The following ZCCHC2 variants were observed in gnomAD, a reference collection of about 807,000 sequenced individuals.
The protein encoded by ZCCHC2 is zinc finger CCHC domain-containing protein 2.
In ZCCHC2, 39 loss-of-function variants were observed where a neutral mutation model predicts 103.6. That is an observed-to-expected ratio of 0.38 (90% CI 0.29 to 0.49). The LOEUF (loss-of-function observed/expected upper bound fraction) is 0.49. ZCCHC2 is among the 20% of genes least tolerant of loss of function. ZCCHC2 has a pLI of 0.96. For missense variants in ZCCHC2, 1,483 were observed against 1,491.0 expected, an observed-to-expected ratio of 0.99 and a Z score of 0.09; for synonymous variants, 687 against 608.9, an observed-to-expected ratio of 1.13 and a Z score of -1.89.
rs1233825752 is a variant in ZCCHC2 at position 62,544,806 on chromosome 18, A to T, written c.1133A>T (p.Asn378Ile). ...TGTGTGTTTTTTTTAAATCAGGTAA[A>T]TTGGTCTGATCTTTCAGTCACAACA... ...DKYWEYTFKV[N>I]WSDLSVTTVT... Residue 378 changes from asparagine to isoleucine, a missense_variant, in exon 4 of 14, where the codon AAT becomes ATT. Transcript: ENST00000269499. The T allele has an allele frequency of 1.3e-6, 2 of 1,544,814 alleles. No homozygotes were observed. The highest frequency in any genetic ancestry group is 1.7e-6 in the Non-Finnish European group (2 of 1,146,410).
At chr18:62,539,567 G>A in intron 1 of ZCCHC2, 114 bp from the exon 2 acceptor site, 1 of 758,352 alleles carries the variant, frequency 1.3e-6, no homozygotes, top group Non-Finnish European at 2.2e-6. Context: ...TCACCTATTG[G>A]ACCTCTAAAA....
chr18:62,565,230 A>C, intron 11 of ZCCHC2, 134 bp downstream of exon 11: 1 of 620,230 alleles, frequency 1.6e-6, no homozygotes, highest in South Asian at 3.0e-5. Context: ...TATGTACAGC[A>C]ATTTCCAAAT....
At chr18:62,533,019 A>C (rs907251353) in intron 1 of ZCCHC2, among the ~76,000 whole-genome samples, 1 of 152,218 alleles carries the variant, frequency 6.6e-6, no homozygotes. Context: ...CAGAGGCTGC[A>C]GTGAGCTGAG....
At position 62,575,431 on chromosome 18, in the gene ZCCHC2, T is replaced by C. The variant is rs771689992; in HGVS notation, c.3350T>C (p.Val1117Ala). ...CCTGTATATCCAGCACCTAACGTAGTTGCCAACACCAGTGGTTCGGGGCCC... is the reference window on the plus strand; with the variant it reads ...CCTGTATATCCAGCACCTAACGTAGCTGCCAACACCAGTGGTTCGGGGCCC... Reference protein sequence around the residue: ...FYPVYPAPNVVANTSGSGPKK... With the variant: ...FYPVYPAPNVAANTSGSGPKK... Residue 1117 changes from valine (V) to alanine (A), a missense_variant, in exon 13 of 14, where the codon GTT (valine) becomes GCT (alanine). Transcript: ENST00000269499. The C allele has an allele frequency of 2.5e-6, 4 of 1,614,064 alleles. No individual in the cohort carries two copies. Among genetic ancestry groups the C allele is most frequent in the Non-Finnish European group, 3.4e-6 (4 of 1,179,904 alleles).
intron 11 of ZCCHC2, among the ~76,000 whole-genome samples, chr18:62,569,436 G>A (rs1300679676): frequency 6.6e-6 from 1 of 151,924 alleles, no homozygotes; most frequent in East Asian, 1.9e-4. Flanking sequence ...CTGTAAGGCA[G>A]AATTACGCTA....
downstream of ZCCHC2, among the ~76,000 whole-genome samples, chr18:62,578,862 G>T (rs1916962701): frequency 6.6e-6 from 1 of 152,082 alleles, no homozygotes; most frequent in Non-Finnish European, 1.5e-5. Context: ...TGCCTCCCTG[G>T]ATTCAAGCGA....
rs1311358202 is a variant in ZCCHC2, at chr18:62,553,377, C to T, written c.1314-2826C>T. 5.3e-5 allele frequency among the ~76,000 whole-genome samples: 8 copies of T among 152,104 alleles called. No homozygotes were observed. In the South Asian group the frequency reaches 1.2e-3, roughly 24 times the overall value. On this transcript the variant is annotated intron_variant, in intron 5 of 13. Coordinates refer to ENST00000269499, the MANE Select transcript of ZCCHC2 (RefSeq NM_017742.6). ...AACCATAATTAATCAACATATTTTA[C>T]GTCCATTTTAGTTGTTTCTAAATGT... is the stretch of plus-strand genomic sequence containing the variant.
intron 1 of ZCCHC2, among the ~76,000 whole-genome samples, chr18:62,538,007 A>AT (rs977085648): frequency 3.3e-5 from 5 of 151,892 alleles, no homozygotes; most frequent in African/African-American, 1.2e-4. Context: ...TAATGAAAAC[A>AT]TTTTTTTCAT....
chr18:62,567,636 T>C (rs1568555562), intron 11 of ZCCHC2, among the ~76,000 whole-genome samples: 1 of 152,112 alleles, frequency 6.6e-6, no homozygotes, highest in African/African-American at 2.4e-5. Context: ...TATTACCTCA[T>C]ATAGAGCGTT....
intron 12 of ZCCHC2, among the ~76,000 whole-genome samples, chr18:62,573,245 A>G (rs1342102835): frequency 1.3e-5 from 2 of 152,196 alleles, no homozygotes; most frequent in Non-Finnish European, 2.9e-5. Flanking sequence ...ACATCAACAC[A>G]GTGTCTGGGT....
intron 1 of ZCCHC2, among the ~76,000 whole-genome samples, chr18:62,532,304 G>A (rs193011295): frequency 6.6e-5 from 10 of 152,254 alleles, no homozygotes; most frequent in South Asian, 2.1e-4. Context: ...GACCTTGATC[G>A]TCTTCTCCCA....
At chr18:62,560,061 G>A (rs1916051717) in intron 7 of ZCCHC2, among the ~76,000 whole-genome samples, 1 of 152,126 alleles carries the variant, frequency 6.6e-6, no homozygotes, top group Admixed American at 6.5e-5. Context: ...ACACATATAT[G>A]GATAGTTAAA....
rs527473058 is a variant in ZCCHC2 at position 62,574,305 on chromosome 18, C to T, written c.2224C>T (p.Pro742Ser). The T allele has an allele frequency of 6.2e-7, 1 of 1,614,060 alleles. No homozygotes were observed. Among genetic ancestry groups the T allele is most frequent in the East Asian group, 2.2e-5 (1 of 44,890 alleles). Residue 742 changes from proline to serine, a missense_variant, in exon 13 of 14, where the codon CCC (proline) becomes TCC (serine). Around this residue, in one of 3 missense-constraint regions of ZCCHC2, gnomAD observed 884 missense variants for 907.5 expected, o/e 0.97. Coordinates refer to ENST00000269499, the MANE Select transcript of ZCCHC2 (RefSeq NM_017742.6). ...KSEVVVPAPK[P>S]ADGKTIGMLV... ...TGAAGTTGTCGTTCCTGCACCCAAA[C>T]CCGCTGATGGCAAAACCATAGGGAT...
rs527297889 is a variant in ZCCHC2, at chr18:62,559,310, A to G, written c.1492+540A>G. The stretch of plus-strand genomic sequence containing the variant: ...ATGGAAGGATCTTCCTAAAAAGTCA[A>G]TGAGACAATCATCCCAACAGAAATA... On this transcript the variant is annotated intron_variant, in intron 7 of 13. Coordinates refer to ENST00000269499, the MANE Select transcript of ZCCHC2 (RefSeq NM_017742.6). Among the ~76,000 whole-genome samples, 210 of 152,352 alleles carry G rather than the reference A, an allele frequency of 1.4e-3. 8 individuals carry two copies. In the South Asian group the frequency reaches 0.04, roughly 29 times the overall value.
rs745813308 is a variant in ZCCHC2, at chr18:62,576,547, C to A, written c.3505C>A (p.Pro1169Thr). 5.6e-6 allele frequency: 9 copies of A among 1,613,736 alleles called. No individual in the cohort carries two copies. The highest frequency in any genetic ancestry group is 4.4e-5 in the South Asian group (4 of 91,036). Residue 1169 changes from proline to threonine, a missense_variant, in exon 14 of 14, where the codon CCT becomes ACT. By Grantham distance (38) the Pro-to-Thr change is conservative. Around this residue, in one of 3 missense-constraint regions of ZCCHC2, gnomAD observed 884 missense variants for 907.5 expected, o/e 0.97. Coordinates refer to ENST00000269499, the MANE Select transcript of ZCCHC2 (RefSeq NM_017742.6). Reference protein sequence around the residue: ...YRLRYAPPLPPSNDTLDSAD With the variant: ...YRLRYAPPLPTSNDTLDSAD ...ACTGAGATACGCACCTCCCCTCCCCCCTTCTAATGATACGTTGGATTCTGC... is the reference window on the plus strand; with the variant it reads ...ACTGAGATACGCACCTCCCCTCCCCACTTCTAATGATACGTTGGATTCTGC...
chr18:62,525,830 T>C (rs1251661547), intron 1 of ZCCHC2: 1 of 152,046 alleles, frequency 6.6e-6, no homozygotes, highest in Non-Finnish European at 1.5e-5. Context: ...CCTCCTCCAC[T>C]CTTCAGCCTA....
chr18:62,562,087 C>T (rs1430410133), intron 8 of ZCCHC2, among the ~76,000 whole-genome samples: 3 of 152,140 alleles, frequency 2.0e-5, no homozygotes, highest in Non-Finnish European at 2.9e-5. Flanking sequence ...ACCTCTGCCT[C>T]CTGGGTTCAA....
chr18:62,546,098 G>A (rs1175506870), intron 4 of ZCCHC2, among the ~76,000 whole-genome samples: 3 of 152,194 alleles, frequency 2.0e-5, no homozygotes, highest in Admixed American at 6.5e-5. Context: ...GACCTGCCTT[G>A]GGTAAGATTA....
At chr18:62,545,927 T>C (rs140874445) in intron 4 of ZCCHC2, among the ~76,000 whole-genome samples, 1,558 of 152,354 alleles carry the variant, frequency 0.01, 29 homozygotes, top group African/African-American at 0.035. Context: ...GCTGGTTCTT[T>C]GAGGAAGACT....
Sources: gnomAD v4.1 joint callset for allele counts (sites outside exome capture counted in the v4.1 genomes callset) on GRCh38, gnomAD v4.1.1 for gene constraint, gnomAD v4.1.1 regional missense constraint, MANE v1.5 for transcripts, NCBI Gene and HGNC (gene_info 2026-07-23, HGNC 2026-07-21) for gene names.